Variants in APLP2 observed in about 807,000 individuals in gnomAD.
APLP2 encodes the protein CDEI box-binding protein.
A neutral mutation model predicts 89.9 loss-of-function variants in APLP2; 53 were observed. That is an observed-to-expected ratio of 0.59 (90% CI 0.47 to 0.74). The LOEUF is 0.74. Ranked by LOEUF, APLP2 falls within the 30% of genes least tolerant of loss-of-function variation. The probability of loss-of-function intolerance (pLI) is 0.00; values close to 1 mark genes in which losing one functional copy is unlikely to be tolerated. For synonymous variants in APLP2, 372 were observed against 348.6 expected, an observed-to-expected ratio of 1.07 and a Z score of -0.75; for missense variants, 973 against 975.9, an observed-to-expected ratio of 1.00 and a Z score of 0.04.
intron 2 of APLP2, chr11:130,109,944 A>T (rs1185555912): frequency 4.3e-6 from 1 of 230,400 alleles, no homozygotes; most frequent in Non-Finnish European, 8.3e-6. Context: ...ATTGTAAAGG[A>T]TCATCTCAGG....
chr11:130,139,847 G>A (rs1428301980), intron 13 of APLP2, among the ~76,000 whole-genome samples: 1 of 152,170 alleles, frequency 6.6e-6, no homozygotes, highest in African/African-American at 2.4e-5. Flanking sequence ...AATCCGTAAT[G>A]ACAGACTGTT....
intron 1 of APLP2, among the ~76,000 whole-genome samples, chr11:130,077,124 C>T (rs190821676): frequency 7.1e-4 from 108 of 152,228 alleles, no homozygotes; most frequent in African/African-American, 2.5e-3. Context: ...GCTGGGATGG[C>T]TGAAAGAGAA....
Position 130,135,683 on chromosome 11 carries a change from T to C in APLP2, c.1805T>C (p.Phe602Ser), listed in dbSNP as rs1489034522. The C allele has an allele frequency of 3.7e-6, 6 of 1,613,966 alleles. No individual in the cohort carries two copies. The highest frequency in any genetic ancestry group is 5.1e-6 in the Non-Finnish European group (6 of 1,179,992). Residue 602 changes from phenylalanine (F) to serine (S), a missense_variant, in exon 13 of 17, where the codon TTC becomes TCC. Transcript: ENST00000338167. ...GAGGAGATCCCACCGTTCCACCCCT[T>C]CCACCCCTTCCCAGCCCTACCTGAG... ...ESEEIPPFHP[F>S]HPFPALPENE...
intron 7 of APLP2, among the ~76,000 whole-genome samples, chr11:130,124,227 C>T (rs1257208316): frequency 6.6e-6 from 1 of 152,178 alleles, no homozygotes; most frequent in Non-Finnish European, 1.5e-5. Context: ...TCATGGGGCG[C>T]CTCCTCTCGA....
rs759215225 is a variant in APLP2 at position 130,140,495 on chromosome 11, C to G, written c.1923+12C>G. 6.3e-7 allele frequency: 1 copy of G among 1,597,466 alleles called. No individual in the cohort carries two copies. The highest frequency in any genetic ancestry group is 1.7e-5 in the Admixed American group (1 of 57,806). ...TGGATGAAAACATGGTGAGCCTGTT[C>G]TTTCTTCTGCCCAACACGCTTTACT... On this transcript the variant is annotated intron_variant, in intron 14 of 16. Transcript: ENST00000338167.
chr11:130,087,055 A>AT (rs1944221333), intron 1 of APLP2, among the ~76,000 whole-genome samples: 1 of 152,244 alleles, frequency 6.6e-6, no homozygotes, highest in African/African-American at 2.4e-5. Context: ...TAGTCTTGTC[A>AT]TAACAGTATT....
At chr11:130,140,579 T>C (rs1315468811) in intron 14 of APLP2, 96 bp downstream of exon 14, 2 of 1,058,810 alleles carry the variant, frequency 1.9e-6, no homozygotes, top group African/African-American at 3.2e-5. Context: ...CACGTCTCTG[T>C]GTTCGTTTTC....
chr11:130,088,933 C>T (rs1944500153), intron 1 of APLP2, among the ~76,000 whole-genome samples: 1 of 152,032 alleles, frequency 6.6e-6, no homozygotes, highest in South Asian at 2.1e-4. Flanking sequence ...CTCACGTTAC[C>T]CTCTGGAATG....
intron 13 of APLP2, among the ~76,000 whole-genome samples, chr11:130,135,950 G>A (rs985258911): frequency 2.6e-5 from 4 of 152,136 alleles, no homozygotes; most frequent in Non-Finnish European, 5.9e-5. Flanking sequence ...ATTTCAAGAT[G>A]GGTGGCTTCA....
intron 1 of APLP2, among the ~76,000 whole-genome samples, chr11:130,095,198 T>C (rs898570202): frequency 2.6e-5 from 4 of 152,092 alleles, no homozygotes; most frequent in Non-Finnish European, 5.9e-5. Context: ...AGTAAGATTC[T>C]GTCTCTACAA....
chr11:130,107,171 G>A (rs1214307089), intron 1 of APLP2, among the ~76,000 whole-genome samples: 1 of 152,140 alleles, frequency 6.6e-6, no homozygotes, highest in Non-Finnish European at 1.5e-5. Flanking sequence ...AATAGTAGTT[G>A]CTCAGAAAAT....
chr11:130,075,936 T>C (rs911978374), intron 1 of APLP2, among the ~76,000 whole-genome samples: 5 of 152,250 alleles, frequency 3.3e-5, no homozygotes, highest in Non-Finnish European at 7.3e-5. Context: ...TATGAACCAT[T>C]GTAAACCATA....
At chr11:130,083,026 CTTTT>C (rs553962550) in intron 1 of APLP2, among the ~76,000 whole-genome samples, 466 of 72,476 alleles carry the variant, frequency 6.4e-3, no homozygotes, top group African/African-American at 0.026. Context: ...CTTTTCTTTT[CTTTT>C]TTTTTTTTTT....
chr11:130,084,686 G>T (rs1943821669), intron 1 of APLP2, among the ~76,000 whole-genome samples: 1 of 151,980 alleles, frequency 6.6e-6, no homozygotes, highest in Non-Finnish European at 1.5e-5. Flanking sequence ...AAGCACCACT[G>T]AGAGGGAAGT....
At chr11:130,079,805 TTC>T (rs1942857807) in intron 1 of APLP2, among the ~76,000 whole-genome samples, 1 of 152,242 alleles carries the variant, frequency 6.6e-6, no homozygotes, top group African/African-American at 2.4e-5. Context: ...TTAGTCTGAC[TTC>T]TCTCAGAGGG....
At chr11:130,090,247 C>A (rs202060988) in intron 1 of APLP2, among the ~76,000 whole-genome samples, 2 of 86,116 alleles carry the variant, frequency 2.3e-5, no homozygotes, top group Non-Finnish European at 4.9e-5. Flanking sequence ...CTAGCTCTGT[C>A]TTTTTTTTTT....
chr11:130,073,441 A>G lies in APLP2; in HGVS notation c.105+3359A>G, dbSNP rs147359950. Among the ~76,000 whole-genome samples the G allele has an allele frequency of 3.6e-3, 545 of 152,300 alleles. 8 individuals carry two copies. The highest frequency in any genetic ancestry group is 0.012 in the African/African-American group (514 of 41,564). ...TTAATATGTTCCTATATTTTTCCAC[A>G]TAAAGTCTTGCTGGAAGTTGGCCCA... On this transcript the variant is annotated intron_variant, in intron 1 of 16. Transcript: ENST00000338167.
chr11:130,140,581 T>A, intron 14 of APLP2, 98 bp downstream of exon 14: 2 of 1,026,378 alleles, frequency 1.9e-6, no homozygotes, highest in Non-Finnish European at 1.4e-6. Flanking sequence ...CGTCTCTGTG[T>A]TCGTTTTCCG....
intron 3 of APLP2, among the ~76,000 whole-genome samples, chr11:130,116,389 G>A (rs573603220): frequency 3.9e-5 from 6 of 152,102 alleles, no homozygotes; most frequent in African/African-American, 7.2e-5. Flanking sequence ...ATTCCCTCTC[G>A]ATGGACATTT....
Sources: allele counts gnomAD v4.1 joint callset (sites outside exome capture counted in the v4.1 genomes callset), GRCh38; gene constraint gnomAD v4.1.1; transcripts MANE v1.5; gene names NCBI Gene and HGNC (gene_info 2026-07-23, HGNC 2026-07-21).